The following IGF1 variants were observed in gnomAD, a reference collection of about 807,000 sequenced individuals.
The protein encoded by IGF1 is insulin-like growth factor 1.
IGF1 carries 4 observed loss-of-function variants against 13.8 expected under a neutral mutation model. The ratio of observed to expected loss-of-function variants is 0.29; its 90% confidence interval spans 0.14 to 0.66. IGF1 has a LOEUF of 0.66. Ranked by LOEUF, IGF1 falls within the 30% of genes least tolerant of loss-of-function variation. The pLI is 0.78. For synonymous variants in IGF1, 76 were observed against 72.6 expected, an observed-to-expected ratio of 1.05 and a Z score of -0.23; for missense variants, 124 against 188.5, an observed-to-expected ratio of 0.66 and a Z score of 2.00.
At chr12:102,457,939 T>A (rs560688633) in intron 2 of IGF1, among the ~76,000 whole-genome samples, 2 of 152,330 alleles carry the variant, frequency 1.3e-5, no homozygotes, top group African/African-American at 2.4e-5. Context: ...CCTTGGTTTC[T>A]AGCACAATTC....
chr12:102,425,390 G>C (rs549559644), intron 2 of IGF1, among the ~76,000 whole-genome samples: 1 of 152,134 alleles, frequency 6.6e-6, no homozygotes, highest in South Asian at 2.1e-4. Context: ...CCTCTCAATT[G>C]GACAAGGTCA....
intron 3 of IGF1, among the ~76,000 whole-genome samples, chr12:102,405,054 T>C (rs906525716): frequency 1.3e-5 from 2 of 151,006 alleles, no homozygotes; most frequent in African/African-American, 2.4e-5. Context: ...AAATGTGTGT[T>C]CTTAATCTTC....
chr12:102,401,674 A>G lies in IGF1; in HGVS notation c.*833T>C, dbSNP rs1020192535. ...TGTATAATTGATATGCTAAATTTAC[A>G]TAGTGCTCTATATGGAAAAAATAAA... On this transcript the variant is annotated 3_prime_UTR_variant, in exon 4 of 4. Transcript: ENST00000337514. The G allele has an allele frequency of 6.6e-6, 1 of 152,666 alleles. No homozygotes were observed. Among genetic ancestry groups the G allele is most frequent in the Non-Finnish European group, 1.5e-5 (1 of 68,042 alleles). 9.5% of individuals were successfully genotyped at this position (152,666 alleles called of 1,614,324 possible).
intron 2 of IGF1, among the ~76,000 whole-genome samples, chr12:102,420,392 A>G (rs575004185): frequency 6.6e-6 from 1 of 152,374 alleles, no homozygotes; most frequent in East Asian, 1.9e-4. Flanking sequence ...AATGGAGTTA[A>G]TAATATCTTC....
chr12:102,462,567 G>A (rs1291172259), intron 2 of IGF1, among the ~76,000 whole-genome samples: 1 of 152,148 alleles, frequency 6.6e-6, no homozygotes, highest in African/African-American at 2.4e-5. Context: ...CTACAGAAAT[G>A]CCAGCCAGAT....
intron 2 of IGF1, among the ~76,000 whole-genome samples, chr12:102,431,310 T>A (rs1876720450): frequency 6.6e-6 from 1 of 152,238 alleles, no homozygotes; most frequent in Non-Finnish European, 1.5e-5. Context: ...GAAGGCACTA[T>A]AACAAGACCC....
At chr12:102,419,757 C>T (rs1875531602) in intron 2 of IGF1, 67 bp from the exon 3 acceptor site, 1 of 1,479,428 alleles carries the variant, frequency 6.8e-7, no homozygotes, top group East Asian at 2.3e-5. Context: ...TTCCACCCAG[C>T]TCCTGCCTCT....
chr12:102,417,634 T>G (rs1231116276), intron 3 of IGF1: 46 of 1,362,812 alleles, frequency 3.4e-5, no homozygotes, highest in Non-Finnish European at 4.3e-5. Flanking sequence ...CATTTTTCTT[T>G]TCCGTTTTCT....
Position 102,415,544 on chromosome 12 carries a change from T to TTCCTTCCTTCCTTCCTTCCTTCCTTCCG in IGF1, c.402+3964_402+3965insCGGAAGGAAGGAAGGAAGGAAGGAAGGA, listed in dbSNP as rs1565966698. On this transcript the variant is annotated intron_variant, in intron 3 of 3. Coordinates refer to ENST00000337514, the MANE Select transcript of IGF1 (RefSeq NM_000618.5). The stretch of plus-strand genomic sequence containing the variant: ...AAAGTCTTTTTGTTCTTCCTTCCCT[T>TTCCTTCCTTCCTTCCTTCCTTCCTTCCG]TCCTTCCTTCCTTCCTTCCTTCCTT... 6.7e-3 allele frequency among the ~76,000 whole-genome samples: 185 copies of TTCCTTCCTTCCTTCCTTCCTTCCTTCCG among 27,764 alleles called. 2 individuals are homozygous for TTCCTTCCTTCCTTCCTTCCTTCCTTCCG. Among genetic ancestry groups the TTCCTTCCTTCCTTCCTTCCTTCCTTCCG allele is most frequent in the African/African-American group, 0.015 (123 of 8,330 alleles). The allele number at this position is 27,764 out of a possible 152,430, so 18.2% of individuals were successfully genotyped here.
At chr12:102,476,744 T>C (rs1441502272) in intron 1 of IGF1, among the ~76,000 whole-genome samples, 4 of 152,154 alleles carry the variant, frequency 2.6e-5, no homozygotes, top group Non-Finnish European at 5.9e-5. Flanking sequence ...TATAGCAAAA[T>C]ATACCAAGGG....
rs1878837852 is a variant in IGF1, at chr12:102,450,620, G to GGCAA, written c.220+25019_220+25022dup. ...TGATTATTATTACTCTTTCTGTGTT[G>GGCAA]GCAAATACAGATACAGGGCACATTT... On this transcript the variant is annotated intron_variant, in intron 2 of 3. Transcript: ENST00000337514. 2.0e-5 allele frequency among the ~76,000 whole-genome samples: 3 copies of GGCAA among 152,260 alleles called. No individual in the cohort carries two copies. The South Asian group carries it at 6.2e-4, about 32-fold the overall frequency.
intron 2 of IGF1, among the ~76,000 whole-genome samples, chr12:102,460,479 C>T (rs1879812934): frequency 1.3e-5 from 2 of 152,190 alleles, no homozygotes; most frequent in Admixed American, 6.5e-5. Context: ...GAAGGGATGG[C>T]ATCATTCTCC....
intron 3 of IGF1, among the ~76,000 whole-genome samples, chr12:102,406,603 A>C (rs1226986736): frequency 1.3e-5 from 2 of 152,210 alleles, no homozygotes; most frequent in Non-Finnish European, 2.9e-5. Context: ...TTAGAAGGAA[A>C]GGTTAACAAA....
intron 2 of IGF1, among the ~76,000 whole-genome samples, chr12:102,450,133 C>T (rs1475308219): frequency 6.6e-6 from 1 of 152,190 alleles, no homozygotes; most frequent in African/African-American, 2.4e-5. Context: ...AGATTTTCTA[C>T]AGGGGAAGTG....
intron 2 of IGF1, among the ~76,000 whole-genome samples, chr12:102,465,822 A>G (rs1165867755): frequency 2.6e-5 from 4 of 152,092 alleles, no homozygotes; most frequent in Non-Finnish European, 5.9e-5. Flanking sequence ...CTGTCATCCC[A>G]GCTACTCGGG....
At chr12:102,474,993 G>A (rs12817072) in intron 2 of IGF1, among the ~76,000 whole-genome samples, 1 of 152,146 alleles carries the variant, frequency 6.6e-6, no homozygotes, top group African/African-American at 2.4e-5. Flanking sequence ...GGGTCCCGGA[G>A]AAGAACTATG....
At chr12:102,481,454 C>A (rs1470973012), upstream of IGF1, among the ~76,000 whole-genome samples, 2 of 151,738 alleles carry the variant, frequency 1.3e-5, no homozygotes, top group African/African-American at 4.8e-5. Flanking sequence ...TTCTAAATAA[C>A]ACCAGCTGGC....
chr12:102,475,746 C>A lies in IGF1; in HGVS notation c.117G>T (p.Leu39=). 1 of 1,614,190 alleles carries A rather than the reference C, an allele frequency of 6.2e-7. No homozygotes were observed. The change falls in exon 2 of 4, where the codon CTG becomes CTT. Residue 39 remains leucine, a synonymous_variant. Transcript: ENST00000337514. ...SSHLFYLALC[L]LTFTSSATAG... Reference sequence around the variant, plus strand: ...CCGTGGCAGAGCTGGTGAAGGTGAGCAGGCACAGCGCCAGGTAGAAGAGAT... The same window carrying A: ...CCGTGGCAGAGCTGGTGAAGGTGAGAAGGCACAGCGCCAGGTAGAAGAGAT...
At chr12:102,461,127 G>T (rs1879863187) in intron 2 of IGF1, among the ~76,000 whole-genome samples, 1 of 152,050 alleles carries the variant, frequency 6.6e-6, no homozygotes, top group South Asian at 2.1e-4. Context: ...CAATCCAAAG[G>T]CCCCCCTTTC....
Sources: gnomAD v4.1 joint callset for allele counts (sites outside exome capture counted in the v4.1 genomes callset) on GRCh38, gnomAD v4.1.1 for gene constraint, MANE v1.5 for transcripts, NCBI Gene and HGNC (gene_info 2026-07-23, HGNC 2026-07-21) for gene names.